POU6F2: variants seen among roughly 807,000 people sequenced by gnomAD.
POU6F2 encodes the protein POU class 6 homeobox 2.
POU6F2 carries 31 observed loss-of-function variants against 71.3 expected under a neutral mutation model. The ratio of observed to expected loss-of-function variants is 0.43; its 90% CI spans 0.33 to 0.59. POU6F2 has a LOEUF of 0.59. Among genes scored for constraint, POU6F2 ranks in the 20% least tolerant of loss-of-function variants. The probability of loss-of-function intolerance (pLI) is 0.04; values close to 1 mark genes in which losing one functional copy is unlikely to be tolerated. For missense variants in POU6F2, 783 were observed against 856.8 expected, an observed-to-expected ratio of 0.91 and a Z score of 1.07; for synonymous variants, 347 against 355.7, an observed-to-expected ratio of 0.98 and a Z score of 0.27.
chr7:39,318,177 G>A (rs1440325819), intron 4 of POU6F2, among the ~76,000 whole-genome samples: 2 of 152,050 alleles, frequency 1.3e-5, no homozygotes, highest in African/African-American at 2.4e-5. Flanking sequence ...TTAGATTTTT[G>A]AGGGTAAGAA....
chr7:39,304,149 C>T (rs1225707983), intron 4 of POU6F2, among the ~76,000 whole-genome samples: 1 of 151,890 alleles, frequency 6.6e-6, no homozygotes, highest in East Asian at 1.9e-4. Flanking sequence ...ATTAAAAGCC[C>T]ACCGAAATGA....
At chr7:39,316,443 G>A (rs942615861) in intron 4 of POU6F2, among the ~76,000 whole-genome samples, 8 of 152,144 alleles carry the variant, frequency 5.3e-5, no homozygotes, top group African/African-American at 1.4e-4. Context: ...AGGCAGTGTG[G>A]CTGAGAAATA....
At chr7:39,176,131 C>T (rs1793324659) in intron 2 of POU6F2, among the ~76,000 whole-genome samples, 1 of 152,122 alleles carries the variant, frequency 6.6e-6, no homozygotes, top group Admixed American at 6.5e-5. Context: ...GCCAAATAAC[C>T]ACCCCTGGCC....
At chr7:39,206,298 C>G (rs555534898) in intron 3 of POU6F2, among the ~76,000 whole-genome samples, 3 of 152,266 alleles carry the variant, frequency 2.0e-5, no homozygotes, top group South Asian at 4.2e-4. Context: ...GGAATCCTTC[C>G]CATGTCATCC....
intron 4 of POU6F2, among the ~76,000 whole-genome samples, chr7:39,282,509 AG>A (rs1207044804): frequency 2.6e-5 from 4 of 152,178 alleles, no homozygotes; most frequent in African/African-American, 9.6e-5. Context: ...GGCGATATCT[AG>A]TTTTGCGAGA....
chr7:39,350,811 G>C (rs1201179513), intron 5 of POU6F2, among the ~76,000 whole-genome samples: 1 of 152,206 alleles, frequency 6.6e-6, no homozygotes, highest in Non-Finnish European at 1.5e-5. Context: ...GCAGGTGACT[G>C]TCTCTCCCTC....
intron 1 of POU6F2, among the ~76,000 whole-genome samples, chr7:39,036,872 GTTATTATTA>G (rs113776913): frequency 4.1e-5 from 6 of 147,446 alleles, no homozygotes; most frequent in Non-Finnish European, 7.5e-5. Flanking sequence ...AAGAGTACCT[GTTATTATTA>G]TTATTATTAT....
At chr7:39,094,334 T>C (rs1263429755) in intron 2 of POU6F2, among the ~76,000 whole-genome samples, 2 of 152,162 alleles carry the variant, frequency 1.3e-5, no homozygotes, top group African/African-American at 4.8e-5. Flanking sequence ...GGGAAGACTC[T>C]TGGGATCTAA....
chr7:39,361,141 C>T (rs557218775), intron 5 of POU6F2, among the ~76,000 whole-genome samples: 1 of 152,230 alleles, frequency 6.6e-6, no homozygotes, highest in South Asian at 2.1e-4. Flanking sequence ...TGGTGATTTC[C>T]CTGTATTCAA....
intron 4 of POU6F2, among the ~76,000 whole-genome samples, chr7:39,215,836 C>T (rs1794230556): frequency 6.6e-6 from 1 of 152,108 alleles, no homozygotes; most frequent in African/African-American, 2.4e-5. Context: ...GTCCTAAGTG[C>T]TAAGCACAAA....
intron 1 of POU6F2, among the ~76,000 whole-genome samples, chr7:39,048,159 G>A (rs893003125): frequency 6.6e-6 from 1 of 151,752 alleles, no homozygotes; most frequent in African/African-American, 2.4e-5. Context: ...TTTAAATTAC[G>A]AATTCCATTG....
intron 4 of POU6F2, among the ~76,000 whole-genome samples, chr7:39,212,410 T>C (rs997157945): frequency 6.6e-6 from 1 of 152,152 alleles, no homozygotes; most frequent in African/African-American, 2.4e-5. Context: ...CCTTGGAAGC[T>C]CTGGGTGGGA....
At chr7:39,092,962 C>G (rs991817623) in intron 2 of POU6F2, among the ~76,000 whole-genome samples, 1 of 151,990 alleles carries the variant, frequency 6.6e-6, no homozygotes, top group African/African-American at 2.4e-5. Flanking sequence ...ATGCATACCC[C>G]CAAGATCGCT....
At chr7:39,018,423 A>G (rs1286533020) in intron 1 of POU6F2, among the ~76,000 whole-genome samples, 1 of 152,022 alleles carries the variant, frequency 6.6e-6, no homozygotes, top group Non-Finnish European at 1.5e-5. Flanking sequence ...ATTTGGTGAC[A>G]AAACCTCACC....
intron 1 of POU6F2, among the ~76,000 whole-genome samples, chr7:39,051,956 TGGC>T (rs1455747578): frequency 1.3e-5 from 2 of 152,148 alleles, no homozygotes; most frequent in Non-Finnish European, 2.9e-5. Flanking sequence ...ACCATTTGTG[TGGC>T]GATTCACCTG....
chr7:39,448,457 A>G (rs1242573702), intron 7 of POU6F2, among the ~76,000 whole-genome samples: 2 of 152,336 alleles, frequency 1.3e-5, no homozygotes, highest in Admixed American at 1.3e-4. Flanking sequence ...CCAGTGTCCT[A>G]AAATAAATGA....
chr7:39,225,643 C>T (rs1287013792), intron 4 of POU6F2, among the ~76,000 whole-genome samples: 1 of 152,124 alleles, frequency 6.6e-6, no homozygotes, highest in African/African-American at 2.4e-5. Flanking sequence ...GGAAAAATTC[C>T]ACATCCACGA....
At chr7:39,269,293 A>G (rs1328801482) in intron 4 of POU6F2, among the ~76,000 whole-genome samples, 1 of 152,218 alleles carries the variant, frequency 6.6e-6, no homozygotes. Flanking sequence ...CAGGTGCAGC[A>G]TCAGCCACTC....
chr7:39,387,678 A>G (rs982178023), intron 5 of POU6F2, among the ~76,000 whole-genome samples: 1 of 152,226 alleles, frequency 6.6e-6, no homozygotes, highest in Non-Finnish European at 1.5e-5. Flanking sequence ...ATTTGGATAC[A>G]GGACAATTTC....
Sources: allele counts gnomAD v4.1 joint callset (sites outside exome capture counted in the v4.1 genomes callset), GRCh38; gene constraint gnomAD v4.1.1; transcripts MANE v1.5; gene names NCBI Gene and HGNC (gene_info 2026-07-23, HGNC 2026-07-21).